Variants in ZBTB20 observed in about 807,000 individuals in gnomAD.
The protein encoded by ZBTB20 is zinc finger and BTB domain-containing protein 20.
In ZBTB20, 9 loss-of-function variants were observed where a neutral mutation model predicts 56.9. The ratio of observed to expected loss-of-function variants is 0.16; its 90% CI spans 0.10 to 0.28. The LOEUF (loss-of-function observed/expected upper bound fraction) is 0.28, where lower values mean the gene tolerates loss of function less well. Among genes scored for constraint, ZBTB20 ranks in the 10% least tolerant of loss-of-function variants. The pLI, the probability that ZBTB20 is intolerant of heterozygous loss-of-function variation, is 1.00. For synonymous variants in ZBTB20, 417 were observed against 420.7 expected, an observed-to-expected ratio of 0.99 and a Z score of 0.11; for missense variants, 655 against 1,003.0, an observed-to-expected ratio of 0.65 and a Z score of 4.69.
chr3:115,113,713 C>T (rs772512952), intron 1 of ZBTB20, among the ~76,000 whole-genome samples: 1 of 152,200 alleles, frequency 6.6e-6, no homozygotes, highest in Non-Finnish European at 1.5e-5. Context: ...GGACACCTGG[C>T]TTCCTACAGT....
At chr3:114,777,859 T>C (rs2069724064) in intron 5 of ZBTB20, among the ~76,000 whole-genome samples, 1 of 151,884 alleles carries the variant, frequency 6.6e-6, no homozygotes, top group Non-Finnish European at 1.5e-5. Context: ...CGTCCAACAA[T>C]GATAGATTGG....
chr3:115,130,963 G>C lies in ZBTB20; in HGVS notation c.-703+16256C>G, dbSNP rs1386454619. Among the ~76,000 whole-genome samples, 6 of 152,220 alleles carry C rather than the reference G, an allele frequency of 3.9e-5. No homozygotes were observed. The East Asian group carries it at 1.2e-3, about 29-fold the overall frequency. ...TTTAGTAGAGACAGGGTTTCTCCAT[G>C]TTGCTCAGGCTGGTCTTGAACTCCC... On this transcript the variant is annotated intron_variant, in intron 1 of 11. Coordinates refer to ENST00000675478, the MANE Select transcript of ZBTB20 (RefSeq NM_001348800.3).
chr3:114,450,891 A>T lies in ZBTB20; in HGVS notation c.-255+49461T>A, dbSNP rs114700994. 8.5e-3 allele frequency among the ~76,000 whole-genome samples: 1,295 copies of T among 152,254 alleles called. 16 individuals carry two copies. The highest frequency in any genetic ancestry group is 0.013 in the Non-Finnish European group (880 of 68,010). On this transcript the variant is annotated intron_variant, in intron 7 of 11. Coordinates refer to ENST00000675478, the MANE Select transcript of ZBTB20 (RefSeq NM_001348800.3). ...TCATACCAATTGATTAAATTTTGAG[A>T]TATATAAAATAAAAATTTGATAAAA...
chr3:114,389,592 T>G (rs2085580252), intron 7 of ZBTB20, among the ~76,000 whole-genome samples: 1 of 152,012 alleles, frequency 6.6e-6, no homozygotes. Context: ...TCAAACTAAT[T>G]AAAATATGCA....
rs530686305 is a variant in ZBTB20 at position 115,111,540 on chromosome 3, T to C, written c.-703+35679A>G. ...AGTATTTTTCCACCAATAAATGCAC[T>C]TAATACCCACTCAATAATTAATTTG... On this transcript the variant is annotated intron_variant, in intron 1 of 11. Transcript: ENST00000675478. Among the ~76,000 whole-genome samples the C allele has an allele frequency of 1.3e-5, 2 of 152,284 alleles. 1 individual carries two copies. The highest frequency in any genetic ancestry group is 4.1e-4 in the South Asian group (2 of 4,828).
intron 1 of ZBTB20, among the ~76,000 whole-genome samples, chr3:115,135,837 A>G (rs11915982): frequency 0.094 from 14,250 of 152,150 alleles, 1,976 homozygotes; most frequent in African/African-American, 0.3. Flanking sequence ...CTAAAAACTC[A>G]GATAATTAGG....
intron 5 of ZBTB20, among the ~76,000 whole-genome samples, chr3:114,727,195 G>A (rs942955459): frequency 9.2e-5 from 14 of 152,034 alleles, no homozygotes; most frequent in Non-Finnish European, 1.5e-4. Flanking sequence ...ATCAAAAGGA[G>A]CCCAGGCCCA....
At chr3:115,035,176 GACA>G (rs1162441678) in intron 2 of ZBTB20, among the ~76,000 whole-genome samples, 2 of 152,028 alleles carry the variant, frequency 1.3e-5, no homozygotes, top group Non-Finnish European at 2.9e-5. Context: ...ATTTGAGTAT[GACA>G]ACAGGCCATA....
intron 6 of ZBTB20, among the ~76,000 whole-genome samples, chr3:114,653,837 G>C (rs1164078732): frequency 1.3e-5 from 2 of 151,768 alleles, no homozygotes; most frequent in Non-Finnish European, 2.9e-5. Flanking sequence ...GGTTTACTAT[G>C]CCAGTTTTGT....
chr3:114,537,859 G>A (rs932837827), intron 6 of ZBTB20, among the ~76,000 whole-genome samples: 16 of 152,056 alleles, frequency 1.1e-4, no homozygotes, highest in Middle Eastern at 3.4e-3. Flanking sequence ...GGAAACCATC[G>A]TTCTCAGTAA....
chr3:114,734,235 G>T (rs2065967651), intron 5 of ZBTB20, among the ~76,000 whole-genome samples: 1 of 151,482 alleles, frequency 6.6e-6, no homozygotes, highest in Admixed American at 6.6e-5. Flanking sequence ...ATTTGCAATT[G>T]TGATAAAAAT....
chr3:114,478,559 C>A (rs1355882640), intron 7 of ZBTB20, among the ~76,000 whole-genome samples: 1 of 152,144 alleles, frequency 6.6e-6, no homozygotes, highest in Non-Finnish European at 1.5e-5. Context: ...TATCTTATGT[C>A]CACTGTGAAA....
At chr3:114,664,043 C>A (rs1578223317) in intron 6 of ZBTB20, among the ~76,000 whole-genome samples, 2 of 152,100 alleles carry the variant, frequency 1.3e-5, no homozygotes, top group Middle Eastern at 6.8e-3. Flanking sequence ...GTGGTTTACC[C>A]TGACATTTAG....
intron 5 of ZBTB20, among the ~76,000 whole-genome samples, chr3:114,768,119 G>A (rs1485194680): frequency 1.3e-5 from 2 of 151,914 alleles, no homozygotes; most frequent in African/African-American, 2.4e-5. Context: ...TAAATGGTTG[G>A]GGATAGGGAT....
Position 114,332,545 on chromosome 3 carries a change from C to G in ZBTB20, c.*6460G>C, listed in dbSNP as rs929213906. 6.6e-6 allele frequency: 1 copy of G among 152,172 alleles called. No individual in the cohort carries two copies. The highest frequency in any genetic ancestry group is 2.4e-5 in the African/African-American group (1 of 41,456). 9.4% of individuals were successfully genotyped at this position (152,172 alleles called of 1,614,324 possible). On this transcript the variant is annotated 3_prime_UTR_variant, in exon 12 of 12. Transcript: ENST00000675478. Reference sequence around the variant, plus strand: ...AGCCACTATCTGAGAGTACCCAGTTCTAGGAAAGTTTGGTGCCTCCTCAAG... The same window carrying G: ...AGCCACTATCTGAGAGTACCCAGTTGTAGGAAAGTTTGGTGCCTCCTCAAG...
chr3:114,804,871 T>C (rs985529537), intron 4 of ZBTB20, among the ~76,000 whole-genome samples: 3 of 151,914 alleles, frequency 2.0e-5, no homozygotes, highest in Non-Finnish European at 2.9e-5. Flanking sequence ...ACATCAAAAA[T>C]AATAGTAATT....
intron 6 of ZBTB20, among the ~76,000 whole-genome samples, chr3:114,643,052 T>G (rs2059640749): frequency 6.6e-6 from 1 of 152,086 alleles, no homozygotes; most frequent in Admixed American, 6.6e-5. Flanking sequence ...AAAAAAATAT[T>G]TTATGGCCTC....
chr3:115,107,965 G>A (rs562629952), intron 1 of ZBTB20, among the ~76,000 whole-genome samples: 13 of 152,086 alleles, frequency 8.5e-5, no homozygotes, highest in Admixed American at 6.6e-5. Flanking sequence ...GGAGAGGAAC[G>A]ACACACACCA....
chr3:115,032,958 T>TAAAAAAAAAAAAAAAAA (rs77048136), intron 2 of ZBTB20, among the ~76,000 whole-genome samples: 7 of 56,530 alleles, frequency 1.2e-4, no homozygotes, highest in Non-Finnish European at 1.9e-4. Flanking sequence ...CCTAAGGAAC[T>TAAAAAAAAAAAAAAAAA]AAAAAAAAAA....
Sources: allele counts gnomAD v4.1 joint callset (sites outside exome capture counted in the v4.1 genomes callset), GRCh38; gene constraint gnomAD v4.1.1; transcripts MANE v1.5; gene names NCBI Gene and HGNC (gene_info 2026-07-23, HGNC 2026-07-21).